Variants in ARMH3 observed in about 807,000 individuals in gnomAD.
ARMH3 encodes armadillo-like helical domain-containing protein 3.
In ARMH3, 60 loss-of-function variants were observed where a neutral mutation model predicts 99.1. That is an observed-to-expected ratio of 0.61 (90% confidence interval 0.49 to 0.75). The LOEUF is 0.75. Among genes scored for constraint, ARMH3 ranks in the 30% least tolerant of loss-of-function variants. ARMH3 has a pLI of 0.00. For missense variants in ARMH3, 679 were observed against 843.1 expected (o/e 0.81, Z 2.41); for synonymous variants, 285 against 292.8 (o/e 0.97, Z 0.27).
intron 22 of ARMH3, among the ~76,000 whole-genome samples, chr10:101,949,275 A>G (rs1258681323): frequency 6.6e-6 from 1 of 152,064 alleles, no homozygotes; most frequent in Non-Finnish European, 1.5e-5. Flanking sequence ...CAGAGAAAAA[A>G]ATCAATGAAA....
chr10:101,867,896 T>C (rs2067041351), intron 24 of ARMH3, among the ~76,000 whole-genome samples: 1 of 151,304 alleles, frequency 6.6e-6, no homozygotes, highest in Non-Finnish European at 1.5e-5. Context: ...CTCAGCACTT[T>C]GGGACGCTGA....
intron 24 of ARMH3, among the ~76,000 whole-genome samples, chr10:101,874,445 A>G (rs1376859792): frequency 6.6e-6 from 1 of 152,106 alleles, no homozygotes; most frequent in African/African-American, 2.4e-5. Context: ...CAACAATGCT[A>G]ATGAGTCCTC....
At position 101,852,745 on chromosome 10, in the gene ARMH3, C is replaced by A. The variant is rs544281019; in HGVS notation, c.1861-2853G>T. ...CTACTGCCTGGATGACAGAGCAAGA[C>A]CTTGTCTCAAAAAAAAAAAAGAAAA... is the stretch of plus-strand genomic sequence containing the variant. On this transcript the variant is annotated intron_variant, in intron 24 of 25. Coordinates refer to ENST00000370033, the MANE Select transcript of ARMH3 (RefSeq NM_024541.3). Among the ~76,000 whole-genome samples, 682 of 151,354 alleles carry A rather than the reference C, an allele frequency of 4.5e-3. 3 individuals carry two copies. Among genetic ancestry groups the A allele is most frequent in the African/African-American group, 0.016 (651 of 41,254 alleles).
At chr10:102,043,941 G>C (rs567496229) in intron 1 of ARMH3, among the ~76,000 whole-genome samples, 3 of 152,142 alleles carry the variant, frequency 2.0e-5, no homozygotes, top group Non-Finnish European at 2.9e-5. Context: ...TTTTGAGACA[G>C]AGTCTCACTC....
chr10:101,990,640 C>T (rs776051722), intron 18 of ARMH3, 29 bp from the exon 19 acceptor site: 5 of 1,543,020 alleles, frequency 3.2e-6, no homozygotes, highest in Non-Finnish European at 4.5e-6. Flanking sequence ...AAAACTGGAT[C>T]AATTACAATG....
intron 24 of ARMH3, among the ~76,000 whole-genome samples, chr10:101,861,136 A>T (rs1326165375): frequency 6.6e-6 from 1 of 152,214 alleles, no homozygotes; most frequent in Non-Finnish European, 1.5e-5. Context: ...TAAAGAGAAA[A>T]ATGGTAGATA....
At chr10:101,944,326 A>AGT (rs1564778919) in intron 22 of ARMH3, among the ~76,000 whole-genome samples, 10 of 117,040 alleles carry the variant, frequency 8.5e-5, no homozygotes, top group Middle Eastern at 4.1e-3. Flanking sequence ...AGAGAGAGAG[A>AGT]GAGTCCAAAC....
intron 15 of ARMH3, among the ~76,000 whole-genome samples, chr10:101,997,331 T>G (rs914893510): frequency 6.0e-5 from 9 of 150,316 alleles, no homozygotes; most frequent in Non-Finnish European, 1.2e-4. Flanking sequence ...TGGTGGCTCA[T>G]GCCTGTAATC....
At chr10:101,859,810 T>A (rs2066820989) in intron 24 of ARMH3, among the ~76,000 whole-genome samples, 1 of 152,166 alleles carries the variant, frequency 6.6e-6, no homozygotes, top group South Asian at 2.1e-4. Context: ...GGAAAACAAT[T>A]AGATTCATGA....
rs556790265 is a variant in ARMH3, at chr10:101,981,979, A to G, written c.1407-6679T>C. On this transcript the variant is annotated intron_variant, in intron 19 of 25. Transcript: ENST00000370033. Reference sequence around the variant, plus strand: ...GGAGCTTGCAGTGAGCCAAGATCGCACCACTGCACTCCAGCCTGGGCGACA... The same window carrying G: ...GGAGCTTGCAGTGAGCCAAGATCGCGCCACTGCACTCCAGCCTGGGCGACA... 2.2e-4 allele frequency among the ~76,000 whole-genome samples: 31 copies of G among 140,872 alleles called. 1 individual carries two copies. The Admixed American group carries it at 2.2e-3, about 10-fold the overall frequency. The allele number at this position is 140,872 out of a possible 152,430, so 92.4% of individuals were successfully genotyped here. A position where few individuals can be genotyped will look rare whatever the true frequency, so the allele number is the denominator to read the frequency against.
chr10:101,982,840 A>T (rs1453147211), intron 19 of ARMH3, among the ~76,000 whole-genome samples: 1 of 152,066 alleles, frequency 6.6e-6, no homozygotes, highest in Non-Finnish European at 1.5e-5. Context: ...GCTCCCACTG[A>T]TTCTACATTA....
intron 5 of ARMH3, 61 bp downstream of exon 5, chr10:102,029,577 G>A: frequency 1.2e-6 from 2 of 1,614,156 alleles, no homozygotes; most frequent in South Asian, 1.1e-5. Context: ...TCTGCTGATA[G>A]TGTCCAGGAA....
At chr10:101,982,379 GTC>G (rs1420202559) in intron 19 of ARMH3, among the ~76,000 whole-genome samples, 3 of 152,000 alleles carry the variant, frequency 2.0e-5, no homozygotes, top group African/African-American at 7.2e-5. Flanking sequence ...GAGTAAGACT[GTC>G]TCAAAAAAAG....
intron 24 of ARMH3, among the ~76,000 whole-genome samples, chr10:101,879,432 C>A (rs1380783385): frequency 6.6e-6 from 1 of 151,848 alleles, no homozygotes; most frequent in Non-Finnish European, 1.5e-5. Flanking sequence ...TTACTGCAAC[C>A]TCCACCTCCT....
intron 1 of ARMH3, among the ~76,000 whole-genome samples, chr10:102,044,459 C>T (rs1359471066): frequency 1.3e-5 from 2 of 151,838 alleles, no homozygotes; most frequent in Non-Finnish European, 2.9e-5. Context: ...CAACCTCCAC[C>T]TCCTGGGCTC....
intron 20 of ARMH3, among the ~76,000 whole-genome samples, chr10:101,959,701 T>C (rs949685430): frequency 6.6e-6 from 1 of 152,200 alleles, no homozygotes; most frequent in African/African-American, 2.4e-5. Context: ...AGAGCAACTC[T>C]GGCACGGGCA....
intron 13 of ARMH3, among the ~76,000 whole-genome samples, chr10:102,008,172 T>C (rs999867684): frequency 6.6e-6 from 1 of 152,220 alleles, no homozygotes; most frequent in African/African-American, 2.4e-5. Context: ...AAAGTCTCTA[T>C]GTTATCAGTC....
At chr10:101,890,135 T>C (rs982519433) in intron 23 of ARMH3, among the ~76,000 whole-genome samples, 2 of 152,018 alleles carry the variant, frequency 1.3e-5, no homozygotes, top group Non-Finnish European at 2.9e-5. Context: ...TCTTGCCTGG[T>C]GTAGCAAAAA....
intron 15 of ARMH3, among the ~76,000 whole-genome samples, chr10:101,999,965 C>A (rs2066313011): frequency 6.6e-6 from 1 of 152,088 alleles, no homozygotes; most frequent in South Asian, 2.1e-4. Flanking sequence ...TGCCTGTAGT[C>A]CCAGCTACTC....
Sources: gnomAD v4.1 joint callset for allele counts (sites outside exome capture counted in the v4.1 genomes callset) on GRCh38, gnomAD v4.1.1 for gene constraint, MANE v1.5 for transcripts, NCBI Gene and HGNC (gene_info 2026-07-23, HGNC 2026-07-21) for gene names.